Variants in DENND4A observed in about 807,000 individuals in gnomAD.
DENND4A encodes the protein C-myc promoter-binding protein.
DENND4A carries 70 observed loss-of-function variants against 199.3 expected under a neutral mutation model. That is an observed-to-expected ratio of 0.35 (90% CI 0.29 to 0.43). The LOEUF (loss-of-function observed/expected upper bound fraction) is 0.43. Ranked by LOEUF, DENND4A falls within the 20% of genes least tolerant of loss-of-function variation. DENND4A has a pLI of 1.00. For synonymous variants in DENND4A, 686 were observed against 766.9 expected (o/e 0.89, Z 1.74); for missense variants, 1,723 against 2,255.8 (o/e 0.76, Z 4.78).
intron 32 of DENND4A, among the ~76,000 whole-genome samples, chr15:65,662,893 T>C (rs1043896965): frequency 6.6e-6 from 1 of 152,142 alleles, no homozygotes; most frequent in Admixed American, 6.5e-5. Flanking sequence ...CGGAATTTTT[T>C]AGACATTCAA....
At chr15:65,765,027 T>C (rs1425523131) in intron 1 of DENND4A, among the ~76,000 whole-genome samples, 3 of 151,796 alleles carry the variant, frequency 2.0e-5, no homozygotes, top group Non-Finnish European at 4.4e-5. Context: ...CACATTAGCA[T>C]TCACAATAAT....
chr15:65,772,815 C>G (rs2077172177), intron 1 of DENND4A, among the ~76,000 whole-genome samples: 1 of 146,266 alleles, frequency 6.8e-6, no homozygotes, highest in African/African-American at 2.5e-5. Context: ...GAATTTGAAT[C>G]TAGAGCTAAA....
intron 14 of DENND4A, among the ~76,000 whole-genome samples, chr15:65,706,746 G>A (rs2075074668): frequency 6.6e-6 from 1 of 151,984 alleles, no homozygotes; most frequent in Admixed American, 6.6e-5. Context: ...TGCCCGCCTT[G>A]GCCTCCCAAA....
At chr15:65,669,757 A>ATT (rs2076161196) in intron 27 of DENND4A, 22 bp downstream of exon 27, 1 of 1,574,410 alleles carries the variant, frequency 6.4e-7, no homozygotes, top group Non-Finnish European at 8.7e-7. Context: ...GTTAAAATAT[A>ATT]GTTCCACATA....
intron 27 of DENND4A, among the ~76,000 whole-genome samples, chr15:65,668,680 G>C (rs899722035): frequency 9.9e-5 from 15 of 152,140 alleles, no homozygotes; most frequent in African/African-American, 3.6e-4. Flanking sequence ...AATTAGCCAG[G>C]TGTGATGGCA....
intron 25 of DENND4A, 85 bp from the exon 26 acceptor site, chr15:65,670,273 G>A (rs1175784037): frequency 2.5e-6 from 3 of 1,184,896 alleles, no homozygotes; most frequent in Admixed American, 6.5e-5. Flanking sequence ...AAATTCATTG[G>A]ATAATTAAAA....
chr15:65,729,413 CA>C (rs1249083873), intron 10 of DENND4A, 120 bp downstream of exon 10: 8 of 1,446,936 alleles, frequency 5.5e-6, no homozygotes, highest in East Asian at 5.0e-5. Flanking sequence ...AAACTGCTTT[CA>C]AAAAACACAA....
intron 11 of DENND4A, among the ~76,000 whole-genome samples, chr15:65,724,693 A>G (rs898250052): frequency 1.3e-5 from 2 of 152,226 alleles, no homozygotes; most frequent in African/African-American, 2.4e-5. Context: ...AAATAAAGAT[A>G]GGGCAAAGTC....
At chr15:65,734,047 T>A (rs1158115813) in intron 7 of DENND4A, among the ~76,000 whole-genome samples, 1 of 152,190 alleles carries the variant, frequency 6.6e-6, no homozygotes, top group African/African-American at 2.4e-5. Context: ...GAGAAAGACC[T>A]GACCGTCCCC....
At chr15:65,703,079 G>C (rs1449890463) in intron 15 of DENND4A, 71 bp from the exon 16 acceptor site, 22 of 1,416,304 alleles carry the variant, frequency 1.6e-5, no homozygotes, top group Non-Finnish European at 2.1e-5. Context: ...AGTGGTTACA[G>C]GTTAATATAA....
chr15:65,784,396 G>T (rs746640909), intron 1 of DENND4A, among the ~76,000 whole-genome samples: 1 of 151,394 alleles, frequency 6.6e-6, no homozygotes, highest in Non-Finnish European at 1.5e-5. Context: ...TTCCTTAACG[G>T]TGACAAATTT....
At chr15:65,663,966 A>T (rs1181165764) in intron 32 of DENND4A, among the ~76,000 whole-genome samples, 1 of 152,168 alleles carries the variant, frequency 6.6e-6, no homozygotes, top group Non-Finnish European at 1.5e-5. Context: ...TCAATTAAAT[A>T]ATTTTTCCTG....
intron 24 of DENND4A, among the ~76,000 whole-genome samples, chr15:65,674,959 GT>G (rs2076329239): frequency 2.0e-5 from 3 of 152,144 alleles, no homozygotes; most frequent in African/African-American, 7.2e-5. Flanking sequence ...ATTGAAGTTG[GT>G]GATGGATACA....
intron 11 of DENND4A, among the ~76,000 whole-genome samples, chr15:65,728,276 T>C (rs2414886): frequency 0.2 from 30,920 of 152,054 alleles, 4,194 homozygotes; most frequent in East Asian, 0.73. Context: ...GTGCTGGGAT[T>C]ATAGGCGTCA....
chr15:65,669,122 G>C (rs1359963207), intron 27 of DENND4A, among the ~76,000 whole-genome samples: 1 of 152,180 alleles, frequency 6.6e-6, no homozygotes, highest in Non-Finnish European at 1.5e-5. Context: ...GGTGATGAAA[G>C]AAGGTGCACA....
intron 3 of DENND4A, chr15:65,753,889 C>CA (rs1354070602): frequency 6.9e-6 from 1 of 144,174 alleles, no homozygotes; most frequent in African/African-American, 2.6e-5. Context: ...GGCTGAAGTG[C>CA]AATGGCATGA....
chr15:65,719,389 ATTC>A (rs1417045486), intron 12 of DENND4A: 3 of 151,548 alleles, frequency 2.0e-5, no homozygotes, highest in Non-Finnish European at 4.4e-5. Context: ...ATAAAAAACA[ATTC>A]TTCTTCCTGG....
At chr15:65,682,403 C>A (rs372710886) in intron 23 of DENND4A, among the ~76,000 whole-genome samples, 1 of 152,234 alleles carries the variant, frequency 6.6e-6, no homozygotes, top group Non-Finnish European at 1.5e-5. Flanking sequence ...CATGAGCCAA[C>A]CTCTGCTGGC....
chr15:65,712,278 T>C (rs1407143462), intron 14 of DENND4A, among the ~76,000 whole-genome samples: 2 of 152,186 alleles, frequency 1.3e-5, no homozygotes, highest in Non-Finnish European at 2.9e-5. Flanking sequence ...TGTTCATATG[T>C]ACAAATCATT....
Sources: gnomAD v4.1 joint callset for allele counts (sites outside exome capture counted in the v4.1 genomes callset) on GRCh38, gnomAD v4.1.1 for gene constraint, MANE v1.5 for transcripts, NCBI Gene and HGNC (gene_info 2026-07-23, HGNC 2026-07-21) for gene names.